Variants in CLIP4 observed in about 807,000 individuals in gnomAD.
The protein encoded by CLIP4 is CAP-Gly domain containing linker protein family member 4, also known as CAP-Gly domain-containing linker protein 4.
Under a neutral mutation model 73.1 loss-of-function variants are expected in CLIP4, and 47 were observed. The observed-to-expected ratio is 0.64, with a 90% CI of 0.51 to 0.82. The LOEUF (loss-of-function observed/expected upper bound fraction) is 0.82. Among genes scored for constraint, CLIP4 ranks in the 40% least tolerant of loss-of-function variants. The pLI is 0.00. For synonymous variants in CLIP4, 306 were observed against 295.4 expected (o/e 1.04, Z -0.37); for missense variants, 874 against 852.9 (o/e 1.02, Z -0.31).
chr2:29,149,492 G>A (rs1225345977), intron 8 of CLIP4, among the ~76,000 whole-genome samples: 1 of 149,750 alleles, frequency 6.7e-6, no homozygotes, highest in African/African-American at 2.5e-5. Context: ...AAGAATTGGA[G>A]TTAAACCTAT....
chr2:29,162,048 A>G (rs1367464275), intron 12 of CLIP4, among the ~76,000 whole-genome samples: 1 of 152,198 alleles, frequency 6.6e-6, no homozygotes, highest in Non-Finnish European at 1.5e-5. Context: ...GATATACTTA[A>G]TATAGGATTC....
In CLIP4 at chr2:29,122,247, T is replaced by A. The variant is rs866338609; in HGVS notation, c.133+726T>A. ...TTCCTCATCTCCAAGTTTCTTTTTT[T>A]TTTTTTTTGTATTCAGATTCTTTAG... On this transcript the variant is annotated intron_variant, in intron 2 of 15. Transcript: ENST00000320081. Among the ~76,000 whole-genome samples, 501 of 152,048 alleles carry A rather than the reference T, an allele frequency of 3.3e-3. 2 individuals carry two copies. The highest frequency in any genetic ancestry group is 0.012 in the African/African-American group (479 of 41,528).
At chr2:29,116,441 C>T (rs1251970238) in intron 1 of CLIP4, among the ~76,000 whole-genome samples, 1 of 152,226 alleles carries the variant, frequency 6.6e-6, no homozygotes, top group African/African-American at 2.4e-5. Context: ...ATAAAACGGG[C>T]GCCTTTGAAA....
upstream of CLIP4, among the ~76,000 whole-genome samples, chr2:29,112,140 A>G (rs184644873): frequency 5.3e-5 from 8 of 152,290 alleles, no homozygotes; most frequent in African/African-American, 1.9e-4. Flanking sequence ...GTGTTCCTAT[A>G]CCAGTACCAT....
intron 15 of CLIP4, among the ~76,000 whole-genome samples, chr2:29,176,968 A>G (rs1668379758): frequency 6.6e-6 from 1 of 152,044 alleles, no homozygotes; most frequent in African/African-American, 2.4e-5. Flanking sequence ...GAATTCTCAA[A>G]CACAGAATGA....
At chr2:29,145,139 TA>T in intron 7 of CLIP4, 92 bp from the exon 8 acceptor site, 1 of 1,099,254 alleles carries the variant, frequency 9.1e-7, no homozygotes, top group Non-Finnish European at 1.3e-6. Context: ...AGTGAATTTT[TA>T]AAAACTCCCA....
At chr2:29,156,920 CATTAG>C (rs934316089) in intron 10 of CLIP4, among the ~76,000 whole-genome samples, 1 of 152,032 alleles carries the variant, frequency 6.6e-6, no homozygotes, top group Admixed American at 6.6e-5. Context: ...GACTGATGGT[CATTAG>C]ATTAGGTAGT....
At chr2:29,156,617 T>C (rs1666941089) in intron 10 of CLIP4, among the ~76,000 whole-genome samples, 174 bp downstream of exon 10, 1 of 152,212 alleles carries the variant, frequency 6.6e-6, no homozygotes, top group Non-Finnish European at 1.5e-5. Flanking sequence ...ATATACATTA[T>C]ATTTTTTGTG....
chr2:29,163,622 A>C (rs564931009), intron 12 of CLIP4, among the ~76,000 whole-genome samples: 59 of 152,290 alleles, frequency 3.9e-4, no homozygotes, highest in African/African-American at 1.3e-3. Flanking sequence ...ACTGCTCTGC[A>C]ATTATGCTTG....
At chr2:29,165,497 G>A in intron 13 of CLIP4, among the ~76,000 whole-genome samples, 1 of 152,192 alleles carries the variant, frequency 6.6e-6, no homozygotes, top group Admixed American at 6.5e-5. Flanking sequence ...GTATCAGCAT[G>A]TGTGCCCTTA....
chr2:29,119,683 C>A (rs183677086), intron 1 of CLIP4, among the ~76,000 whole-genome samples: 1 of 152,154 alleles, frequency 6.6e-6, no homozygotes, highest in Non-Finnish European at 1.5e-5. Flanking sequence ...CCCTTACAGC[C>A]TCACCTCTGA....
At chr2:29,165,349 G>A (rs1426329608) in intron 13 of CLIP4, among the ~76,000 whole-genome samples, 2 of 152,098 alleles carry the variant, frequency 1.3e-5, no homozygotes, top group African/African-American at 2.4e-5. Flanking sequence ...TGTTTGCAGG[G>A]CCCTTCATGT....
chr2:29,150,848 G>C (rs891803490), intron 8 of CLIP4, among the ~76,000 whole-genome samples: 26 of 151,940 alleles, frequency 1.7e-4, no homozygotes, highest in African/African-American at 6.3e-4. Flanking sequence ...TTGAACTCCT[G>C]ATCTCAGGTG....
chr2:29,170,012 T>C (rs1001325799), intron 14 of CLIP4, among the ~76,000 whole-genome samples: 2 of 152,190 alleles, frequency 1.3e-5, no homozygotes, highest in African/African-American at 4.8e-5. Context: ...ACGTGTGATA[T>C]TTGTCTTTCT....
intron 2 of CLIP4, chr2:29,130,856 C>A (rs1367103864): frequency 1.6e-6 from 2 of 1,289,898 alleles, no homozygotes; most frequent in Non-Finnish European, 2.0e-6. Context: ...AGTCCCACTA[C>A]TTATGCATGC....
intron 13 of CLIP4, among the ~76,000 whole-genome samples, chr2:29,165,811 G>A: frequency 6.6e-6 from 1 of 152,090 alleles, no homozygotes; most frequent in African/African-American, 2.4e-5. Context: ...GTTTTATGCT[G>A]TAACAGCTTT....
chr2:29,104,251 G>C (rs1218121374), intron 1 of CLIP4, among the ~76,000 whole-genome samples: 6 of 151,990 alleles, frequency 3.9e-5, no homozygotes, highest in Non-Finnish European at 8.8e-5. Flanking sequence ...ATCCTTCACA[G>C]ACCAAATCTC....
chr2:29,136,182 G>GT (rs1428577999), intron 6 of CLIP4, among the ~76,000 whole-genome samples: 21 of 142,946 alleles, frequency 1.5e-4, no homozygotes, highest in African/African-American at 5.5e-4. Context: ...ATCATTTGTT[G>GT]TTGTTGTTTT....
At chr2:29,141,715 A>G (rs985091906) in intron 6 of CLIP4, among the ~76,000 whole-genome samples, 1 of 151,822 alleles carries the variant, frequency 6.6e-6, no homozygotes, top group Non-Finnish European at 1.5e-5. Context: ...TACCTGTGCA[A>G]TAGGTATCTT....
Sources: gnomAD v4.1 joint callset for allele counts (sites outside exome capture counted in the v4.1 genomes callset) on GRCh38, gnomAD v4.1.1 for gene constraint, MANE v1.5 for transcripts, NCBI Gene and HGNC (gene_info 2026-07-23, HGNC 2026-07-21) for gene names.